The following KDM4C variants were observed in gnomAD, a reference collection of about 807,000 sequenced individuals.
KDM4C encodes lysine-specific demethylase 4C.
In KDM4C, 81 loss-of-function variants were observed where a neutral mutation model predicts 129.3. That is an observed-to-expected ratio of 0.63 (90% CI 0.52 to 0.75). The LOEUF is 0.75. KDM4C is among the 30% of genes least tolerant of loss of function. The pLI, the probability that KDM4C is intolerant of heterozygous loss-of-function variation, is 0.00. For synonymous variants in KDM4C, 573 were observed against 456.1 expected (o/e 1.26, Z -3.26); for missense variants, 1,457 against 1,304.0 (o/e 1.12, Z -1.81).
At chr9:6,821,051 C>T (rs537791625) in intron 4 of KDM4C, among the ~76,000 whole-genome samples, 1 of 152,240 alleles carries the variant, frequency 6.6e-6, no homozygotes, top group African/African-American at 2.4e-5. Context: ...GACATGAACT[C>T]ATCCTTTTTT....
intron 4 of KDM4C, among the ~76,000 whole-genome samples, chr9:6,839,998 G>A (rs1250247499): frequency 6.6e-6 from 1 of 152,034 alleles, no homozygotes; most frequent in Non-Finnish European, 1.5e-5. Flanking sequence ...ATTTATGAGG[G>A]GATTGTTTAC....
intron 8 of KDM4C, among the ~76,000 whole-genome samples, chr9:6,979,033 G>C (rs1168232358): frequency 6.6e-6 from 1 of 152,056 alleles, no homozygotes; most frequent in Non-Finnish European, 1.5e-5. Context: ...TTGTAATCAT[G>C]ATCAGGCCTA....
chr9:7,113,264 C>T (rs1838532403), intron 18 of KDM4C, among the ~76,000 whole-genome samples: 1 of 152,202 alleles, frequency 6.6e-6, no homozygotes, highest in South Asian at 2.1e-4. Context: ...TGAGCTCTCT[C>T]TCCACTTATC....
At chr9:7,058,463 A>G (rs1587332207) in intron 17 of KDM4C, among the ~76,000 whole-genome samples, 2 of 152,342 alleles carry the variant, frequency 1.3e-5, no homozygotes, top group East Asian at 1.9e-4. Flanking sequence ...CAAACTACCA[A>G]TATAATGTGA....
At chr9:6,983,613 C>CACACACACACACACACACACACACA (rs1554679077) in intron 9 of KDM4C, among the ~76,000 whole-genome samples, 4 of 146,422 alleles carry the variant, frequency 2.7e-5, no homozygotes, top group Admixed American at 1.4e-4. Context: ...CACACACACA[C>CACACACACACACACACACACACACA]CAGTTAGCCT....
chr9:7,172,935 T>G (rs1316631941), intron 21 of KDM4C, among the ~76,000 whole-genome samples: 1 of 152,208 alleles, frequency 6.6e-6, no homozygotes, highest in Admixed American at 6.5e-5. Flanking sequence ...GGCAAGATAG[T>G]AGGGAATTGG....
At chr9:6,991,805 G>C (rs963303190) in intron 12 of KDM4C, among the ~76,000 whole-genome samples, 1 of 152,182 alleles carries the variant, frequency 6.6e-6, no homozygotes, top group African/African-American at 2.4e-5. Context: ...GGAAGCAGAG[G>C]TGGGAGCATT....
chr9:6,950,473 AG>A (rs1563870200), intron 8 of KDM4C, among the ~76,000 whole-genome samples: 1 of 152,124 alleles, frequency 6.6e-6, no homozygotes, highest in African/African-American at 2.4e-5. Flanking sequence ...GATAGATTTG[AG>A]GGGAAGTATT....
intron 4 of KDM4C, among the ~76,000 whole-genome samples, chr9:6,847,982 G>A (rs146714407): frequency 1.3e-5 from 2 of 152,310 alleles, no homozygotes; most frequent in African/African-American, 4.8e-5. Flanking sequence ...AATGTTAGAA[G>A]TGGTTGTATG....
chr9:7,123,402 C>A (rs1160302728), intron 18 of KDM4C, among the ~76,000 whole-genome samples: 2 of 152,162 alleles, frequency 1.3e-5, no homozygotes, highest in African/African-American at 2.4e-5. Context: ...AGAAACAGAA[C>A]CTGTAGGGAT....
intron 1 of KDM4C, among the ~76,000 whole-genome samples, chr9:6,780,991 C>T (rs1033363595): frequency 6.6e-6 from 1 of 151,118 alleles, no homozygotes. Context: ...CTCTGCTGAT[C>T]TCTTTCCTTC....
intron 5 of KDM4C, among the ~76,000 whole-genome samples, chr9:6,852,897 T>C (rs1839118051): frequency 6.6e-6 from 1 of 152,148 alleles, no homozygotes; most frequent in Non-Finnish European, 1.5e-5. Context: ...ACTTTAGACA[T>C]TGTTTTGGCA....
At chr9:6,821,050 T>A (rs1020240682) in intron 4 of KDM4C, among the ~76,000 whole-genome samples, 1 of 152,224 alleles carries the variant, frequency 6.6e-6, no homozygotes, top group Non-Finnish European at 1.5e-5. Context: ...GGACATGAAC[T>A]CATCCTTTTT....
At chr9:6,890,886 T>A (rs919626903) in intron 7 of KDM4C, among the ~76,000 whole-genome samples, 4 of 152,218 alleles carry the variant, frequency 2.6e-5, no homozygotes, top group African/African-American at 9.6e-5. Flanking sequence ...GTGGCTCAGA[T>A]AATGGAGCTT....
At chr9:7,020,510 C>T (rs117825338) in intron 15 of KDM4C, among the ~76,000 whole-genome samples, 1,871 of 152,216 alleles carry the variant, frequency 0.012, 29 homozygotes, top group Non-Finnish European at 0.015. Flanking sequence ...CTTTTTGGAG[C>T]AATTTTTCCT....
At chr9:7,089,499 A>G (rs538658940) in intron 17 of KDM4C, among the ~76,000 whole-genome samples, 1 of 152,340 alleles carries the variant, frequency 6.6e-6, no homozygotes, top group East Asian at 1.9e-4. Context: ...CTACTTAATA[A>G]TACATTTTAA....
chr9:7,122,265 A>ACACACACACACACTCTCTCT (rs375655422), intron 18 of KDM4C, among the ~76,000 whole-genome samples: 5 of 144,822 alleles, frequency 3.5e-5, no homozygotes, highest in African/African-American at 1.3e-4. Context: ...ACACACACAC[A>ACACACACACACACTCTCTCT]CTCTCTCTCT....
chr9:6,781,920 G>C (rs1459371309), intron 1 of KDM4C, among the ~76,000 whole-genome samples: 1 of 151,960 alleles, frequency 6.6e-6, no homozygotes, highest in Non-Finnish European at 1.5e-5. Context: ...AGCCTCCTGG[G>C]TTCAGGCTAT....
intron 8 of KDM4C, chr9:6,925,188 G>A: frequency 1.0e-6 from 1 of 985,412 alleles, no homozygotes; most frequent in East Asian, 1.1e-4. Flanking sequence ...AACATCCAGG[G>A]CTGTCACTGT....
Sources: gnomAD v4.1 joint callset for allele counts (sites outside exome capture counted in the v4.1 genomes callset) on GRCh38, gnomAD v4.1.1 for gene constraint, MANE v1.5 for transcripts, NCBI Gene and HGNC (gene_info 2026-07-23, HGNC 2026-07-21) for gene names.